The following QNG1 variants were observed in gnomAD, a reference collection of about 807,000 sequenced individuals.
QNG1 encodes Q-nucleotide N-glycosylase 1, also known as queuosine 5'-phosphate N-glycosylase/hydrolase.
At chr9:83,953,679 A>C in the QNG1 span, 1 of 697,248 alleles carries the variant, frequency 1.4e-6, no homozygotes, top group African/African-American at 1.9e-5. Context: ...TTTTTTTGAG[A>C]TGGAGTCCAG....
chr9:83,953,593 G>A, the QNG1 span: 14 of 479,268 alleles, frequency 2.9e-5, no homozygotes, highest in Admixed American at 1.8e-4. Context: ...TGATCTACCC[G>A]CCTTGGCCCC....
chr9:83,945,120 T>C, the QNG1 span: 8 of 761,382 alleles, frequency 1.1e-5, no homozygotes, highest in South Asian at 2.1e-5. Context: ...AATTTATAGA[T>C]TGGCCGGGCA....
At chr9:83,955,710 A>C in the QNG1 span, 1 of 1,438,718 alleles carries the variant, frequency 7.0e-7, no homozygotes, top group South Asian at 1.2e-5. Flanking sequence ...TTGCTTTTAC[A>C]ACATGGAATT....
the QNG1 span, chr9:83,955,507 T>C: frequency 6.2e-7 from 1 of 1,614,174 alleles, no homozygotes; most frequent in East Asian, 2.2e-5. Context: ...CCAGCAGAAT[T>C]TTCCCGGTTT....
At chr9:83,951,760 T>C in the QNG1 span, among the ~76,000 whole-genome samples, 1 of 152,182 alleles carries the variant, frequency 6.6e-6, no homozygotes, top group Admixed American at 6.6e-5. Flanking sequence ...AAATAGCTCT[T>C]CTTTCACCTA....
At chr9:83,948,715 T>A in the QNG1 span, among the ~76,000 whole-genome samples, 10 of 152,310 alleles carry the variant, frequency 6.6e-5, no homozygotes, top group Non-Finnish European at 1.2e-4. Flanking sequence ...TAGAAAGAAG[T>A]AGACATAGGA....
chr9:83,939,654 C>T, the QNG1 span: 1 of 1,614,106 alleles, frequency 6.2e-7, no homozygotes, highest in Non-Finnish European at 8.5e-7. Context: ...TCAATAAGCT[C>T]CAGAAGACAA....
the QNG1 span, among the ~76,000 whole-genome samples, chr9:83,943,030 T>C: frequency 3.3e-5 from 5 of 152,020 alleles, no homozygotes; most frequent in African/African-American, 1.2e-4. Flanking sequence ...GAAGCCTCTG[T>C]GATGTATAGG....
the QNG1 span, chr9:83,944,940 G>A: frequency 8.1e-6 from 13 of 1,613,018 alleles, no homozygotes; most frequent in African/African-American, 1.3e-5. Context: ...TACACTCCAC[G>A]TATCTGCTAC....
the QNG1 span, among the ~76,000 whole-genome samples, chr9:83,940,283 T>C: frequency 6.6e-6 from 1 of 151,988 alleles, no homozygotes; most frequent in African/African-American, 2.4e-5. Context: ...TATGTGCCTG[T>C]AGTCCCAACT....
At chr9:83,949,036 G>GCCC in the QNG1 span, among the ~76,000 whole-genome samples, 1 of 116,074 alleles carries the variant, frequency 8.6e-6, no homozygotes, top group African/African-American at 4.9e-5. Context: ...CTCCACTATT[G>GCCC]TCGATGACCC....
At chr9:83,953,345 T>C in the QNG1 span, among the ~76,000 whole-genome samples, 2 of 151,338 alleles carry the variant, frequency 1.3e-5, no homozygotes, top group Non-Finnish European at 2.9e-5. Flanking sequence ...ACAATTGAAT[T>C]CTTTTTTTTT....
At chr9:83,948,031 C>A in the QNG1 span, among the ~76,000 whole-genome samples, 7 of 146,190 alleles carry the variant, frequency 4.8e-5, no homozygotes, top group Admixed American at 6.8e-5. Flanking sequence ...AAGTGAGGAG[C>A]GCCTCTTCCC....
chr9:83,946,602 T>TCTA, the QNG1 span, among the ~76,000 whole-genome samples: 1 of 152,098 alleles, frequency 6.6e-6, no homozygotes, highest in African/African-American at 2.4e-5. Context: ...ACTAAAAAAT[T>TCTA]CTAGCTAAGT....
the QNG1 span, among the ~76,000 whole-genome samples, chr9:83,954,811 C>G: frequency 8.1e-6 from 1 of 123,150 alleles, no homozygotes; most frequent in Non-Finnish European, 1.6e-5. Context: ...ACCCGGGAGG[C>G]GGAGTTTGCA....
At chr9:83,956,175 GCT>G in the QNG1 span, 1 of 1,610,458 alleles carries the variant, frequency 6.2e-7, no homozygotes, top group Non-Finnish European at 8.5e-7. Flanking sequence ...TTCGTCGAGG[GCT>G]CTGTTGACGG....
At chr9:83,939,420 C>T in the QNG1 span, 3 of 850,968 alleles carry the variant, frequency 3.5e-6, no homozygotes, top group Admixed American at 2.4e-5. Flanking sequence ...CCTATAACCT[C>T]GATCATGTTC....
the QNG1 span, among the ~76,000 whole-genome samples, chr9:83,946,706 G>C: frequency 6.6e-6 from 1 of 152,188 alleles, no homozygotes; most frequent in Non-Finnish European, 1.5e-5. Context: ...GGAAAACGAT[G>C]AAACTCCATC....
the QNG1 span, chr9:83,953,680 T>C: frequency 2.8e-6 from 2 of 701,918 alleles, no homozygotes; most frequent in East Asian, 2.9e-5. Flanking sequence ...TTTTTTGAGA[T>C]GGAGTCCAGC....
Sources: allele counts gnomAD v4.1 joint callset (sites outside exome capture counted in the v4.1 genomes callset), GRCh38; gene constraint gnomAD v4.1.1; transcripts MANE v1.5; gene names NCBI Gene and HGNC (gene_info 2026-07-23, HGNC 2026-07-21).